NEGR1: variants seen among roughly 807,000 people sequenced by gnomAD.
The protein encoded by NEGR1 is IgLON family member 4.
In NEGR1, 10 loss-of-function variants were observed where a neutral mutation model predicts 40.9. The ratio of observed to expected loss-of-function variants is 0.24; its 90% CI spans 0.15 to 0.42. The LOEUF is 0.42. Ranked by LOEUF, NEGR1 falls within the 10% of genes least tolerant of loss-of-function variation. NEGR1 has a pLI of 1.00. For synonymous variants in NEGR1, 185 were observed against 166.8 expected (o/e 1.11, Z -0.84); for missense variants, 352 against 438.9 (o/e 0.80, Z 1.77).
At position 72,237,410 on chromosome 1, in the gene NEGR1, G is replaced by A. The variant is rs1439840939; in HGVS notation, c.176+44909C>T. Among the ~76,000 whole-genome samples the A allele has an allele frequency of 3.3e-5, 5 of 151,914 alleles. No homozygotes were observed. The Admixed American group carries it at 3.3e-4, about 10-fold the overall frequency. On this transcript the variant is annotated intron_variant, in intron 1 of 6. Transcript: ENST00000357731. ...TATTTCTCACAGTTCTGGAGCCTGA[G>A]AAGTCCAACATAAAGGCACCAACAG...
intron 6 of NEGR1, among the ~76,000 whole-genome samples, chr1:71,433,805 A>G (rs1468091304): frequency 6.6e-6 from 1 of 152,226 alleles, no homozygotes; most frequent in Non-Finnish European, 1.5e-5. Flanking sequence ...TGTGTGAGAG[A>G]GATTATCTTT....
chr1:72,019,055 GTTAAGAGAA>G (rs1646735143), intron 1 of NEGR1, among the ~76,000 whole-genome samples: 1 of 152,166 alleles, frequency 6.6e-6, no homozygotes, highest in East Asian at 1.9e-4. Flanking sequence ...GTATTTTGGT[GTTAAGAGAA>G]TATGTCTTCA....
At chr1:72,068,643 G>T (rs1253467488) in intron 1 of NEGR1, among the ~76,000 whole-genome samples, 1 of 152,050 alleles carries the variant, frequency 6.6e-6, no homozygotes, top group Non-Finnish European at 1.5e-5. Context: ...TTTTAAAAAG[G>T]TCACATAAGG....
chr1:71,438,155 T>C (rs1646521697), intron 6 of NEGR1, among the ~76,000 whole-genome samples: 1 of 152,198 alleles, frequency 6.6e-6, no homozygotes, highest in Non-Finnish European at 1.5e-5. Context: ...TTGAGGATGT[T>C]TATGTATTCT....
chr1:71,481,503 A>G (rs920221137), intron 6 of NEGR1, among the ~76,000 whole-genome samples: 20 of 151,870 alleles, frequency 1.3e-4, no homozygotes, highest in African/African-American at 3.9e-4. Context: ...AACGGCAACA[A>G]TGGTAACACT....
chr1:72,241,383 T>G (rs1654739164), intron 1 of NEGR1, among the ~76,000 whole-genome samples: 1 of 148,156 alleles, frequency 6.7e-6, no homozygotes, highest in African/African-American at 2.5e-5. Context: ...TAACATGGTT[T>G]TAATTAGTTA....
At chr1:71,792,054 T>C (rs1013842365) in intron 2 of NEGR1, among the ~76,000 whole-genome samples, 4 of 152,156 alleles carry the variant, frequency 2.6e-5, no homozygotes, top group Non-Finnish European at 5.9e-5. Context: ...TAGAGGACTT[T>C]GAGTTAAAAC....
In NEGR1 at chr1:71,751,745, C is replaced by T. The variant is rs1286130382; in HGVS notation, c.535+24427G>A. On this transcript the variant is annotated intron_variant, in intron 3 of 6. Coordinates refer to ENST00000357731, the MANE Select transcript of NEGR1 (RefSeq NM_173808.3). Reference sequence around the variant, plus strand: ...AAAAAAAAAGCCTGTCTCATAAGTGCCTATTGGGCTCAGAGCAGCATTTTT... The same window carrying T: ...AAAAAAAAAGCCTGTCTCATAAGTGTCTATTGGGCTCAGAGCAGCATTTTT... Among the ~76,000 whole-genome samples, 4 of 151,840 alleles carry T rather than the reference C, an allele frequency of 2.6e-5. No individual in the cohort carries two copies. The South Asian group carries it at 6.2e-4, about 24-fold the overall frequency.
At chr1:72,172,550 C>G (rs776078432) in intron 1 of NEGR1, among the ~76,000 whole-genome samples, 3 of 152,134 alleles carry the variant, frequency 2.0e-5, no homozygotes, top group Non-Finnish European at 4.4e-5. Context: ...CATTTTTCAT[C>G]ATAAAAAATG....
At chr1:71,595,221 C>G (rs573506418) in intron 5 of NEGR1, among the ~76,000 whole-genome samples, 94 of 152,330 alleles carry the variant, frequency 6.2e-4, no homozygotes, top group African/African-American at 2.0e-3. Context: ...CAGAGTGGAG[C>G]ATTAGTGCTC....
chr1:71,864,840 T>C (rs1309346373), intron 2 of NEGR1, among the ~76,000 whole-genome samples: 3 of 152,180 alleles, frequency 2.0e-5, no homozygotes, highest in African/African-American at 7.2e-5. Flanking sequence ...ATTCATTATT[T>C]ATACAATGCT....
chr1:71,999,924 T>A (rs1646542864), intron 1 of NEGR1, among the ~76,000 whole-genome samples: 1 of 151,600 alleles, frequency 6.6e-6, no homozygotes, highest in Non-Finnish European at 1.5e-5. Context: ...TAATAGTATA[T>A]CCATATTTGA....
intron 1 of NEGR1, among the ~76,000 whole-genome samples, chr1:72,059,923 T>A (rs1479024303): frequency 6.6e-6 from 1 of 151,698 alleles, no homozygotes; most frequent in Non-Finnish European, 1.5e-5. Context: ...CTGCTTGATT[T>A]GTAATCCTTG....
At chr1:71,908,759 T>A (rs1334015595) in intron 2 of NEGR1, among the ~76,000 whole-genome samples, 1 of 152,218 alleles carries the variant, frequency 6.6e-6, no homozygotes, top group African/African-American at 2.4e-5. Flanking sequence ...TGCAGTCAAC[T>A]GTTACAGTGT....
intron 6 of NEGR1, among the ~76,000 whole-genome samples, chr1:71,442,226 CTTTTTTTTTTTTTTTT>C (rs35594326): frequency 9.4e-5 from 8 of 84,984 alleles, no homozygotes; most frequent in African/African-American, 3.6e-4. Context: ...GGTAGCATTC[CTTTTTTTTTTTTTTTT>C]TTTTTTTTTA....
intron 2 of NEGR1, among the ~76,000 whole-genome samples, chr1:71,866,890 C>T (rs1660129580): frequency 6.6e-6 from 1 of 152,186 alleles, no homozygotes; most frequent in Non-Finnish European, 1.5e-5. Flanking sequence ...GTTACCTAAC[C>T]TCTCCAAACT....
chr1:71,895,566 C>G (rs1008255988), intron 2 of NEGR1, among the ~76,000 whole-genome samples: 1 of 135,332 alleles, frequency 7.4e-6, no homozygotes, highest in African/African-American at 2.9e-5. Flanking sequence ...GTCTTGGTGC[C>G]TGGCTTCTTT....
intron 1 of NEGR1, among the ~76,000 whole-genome samples, chr1:72,145,056 G>A (rs1650855246): frequency 6.6e-6 from 1 of 152,004 alleles, no homozygotes; most frequent in African/African-American, 2.4e-5. Context: ...GAACTGTTTG[G>A]AAGACATCTG....
intron 1 of NEGR1, among the ~76,000 whole-genome samples, chr1:72,180,385 C>T (rs1570089328): frequency 6.6e-6 from 1 of 151,370 alleles, no homozygotes; most frequent in Non-Finnish European, 1.5e-5. Context: ...ATGGGAAAAA[C>T]TTCTGGGCAT....
Sources: gnomAD v4.1 joint callset for allele counts (sites outside exome capture counted in the v4.1 genomes callset) on GRCh38, gnomAD v4.1.1 for gene constraint, MANE v1.5 for transcripts, NCBI Gene and HGNC (gene_info 2026-07-23, HGNC 2026-07-21) for gene names.